MGAT4D: variants seen among roughly 807,000 people sequenced by gnomAD.
MGAT4D encodes MGAT4 family member D.
MGAT4D carries 34 observed loss-of-function variants against 15.9 expected under a neutral mutation model. The observed-to-expected ratio is 2.14, with a 90% CI of 1.62 to 2.84. MGAT4D has a LOEUF of 2.84. Among genes scored for constraint, MGAT4D ranks in the 30% most tolerant of loss-of-function variants. The pLI is 0.00. For synonymous variants in MGAT4D, 112 were observed against 48.2 expected (o/e 2.33, Z -5.49); for missense variants, 327 against 140.2 (o/e 2.33, Z -6.73).
intron 6 of MGAT4D, 61 bp from the exon 7 acceptor site, chr4:140,462,065 A>T (rs1480698662): frequency 9.1e-6 from 6 of 661,362 alleles, no homozygotes; most frequent in South Asian, 1.7e-5. Context: ...TTATAAGCAT[A>T]CTTTAGTAAT....
At position 140,442,832 on chromosome 4, in the gene MGAT4D, A is replaced by T. The variant is rs1729857685; in HGVS notation, c.*604T>A. The T allele has an allele frequency of 1.1e-5, 1 of 93,634 alleles. No individual in the cohort carries two copies. The highest frequency in any genetic ancestry group is 2.8e-4 in the South Asian group (1 of 3,624). 5.8% of individuals were successfully genotyped at this position (93,634 alleles called of 1,614,324 possible). ...AATATATTTGGGAAAAAAACTCCCAAATAATCTGTGTGTTAAGAAGGCAAT... is the reference window on the plus strand; with the variant it reads ...AATATATTTGGGAAAAAAACTCCCATATAATCTGTGTGTTAAGAAGGCAAT... On this transcript the variant is annotated 3_prime_UTR_variant, in exon 11 of 11. Coordinates refer to ENST00000511113, the MANE Select transcript of MGAT4D (RefSeq NM_001277353.2).
intron 1 of MGAT4D, among the ~76,000 whole-genome samples, chr4:140,485,546 G>T (rs1004095387): frequency 4.6e-5 from 7 of 151,148 alleles, no homozygotes; most frequent in Non-Finnish European, 1.0e-4. Context: ...AAACTTAAAA[G>T]TATAATAATA....
intron 1 of MGAT4D, among the ~76,000 whole-genome samples, chr4:140,483,522 A>G (rs1318626785): frequency 6.6e-6 from 1 of 152,164 alleles, no homozygotes; most frequent in Non-Finnish European, 1.5e-5. Flanking sequence ...AACCCCTGCA[A>G]TTCATATGAA....
chr4:140,461,877 GTATA>G (rs1657945969), intron 7 of MGAT4D, 48 bp downstream of exon 7: 1 of 434,488 alleles, frequency 2.3e-6, no homozygotes, highest in African/African-American at 2.6e-5. Flanking sequence ...TATAATTGGT[GTATA>G]CACACACACA....
At chr4:140,468,830 T>C (rs1560780863) in intron 5 of MGAT4D, among the ~76,000 whole-genome samples, 1 of 152,152 alleles carries the variant, frequency 6.6e-6, no homozygotes, top group Non-Finnish European at 1.5e-5. Context: ...ACACAGGGGC[T>C]TACCTCCTTC....
rs996707865 is a variant in MGAT4D at position 140,460,572 on chromosome 4, A to G, written c.763-946T>C. 5.9e-5 allele frequency among the ~76,000 whole-genome samples: 9 copies of G among 152,220 alleles called. No homozygotes were observed. In the East Asian group the frequency reaches 1.7e-3, roughly 29 times the overall value. ...GGAGGGAGGCCAGGAGCCGTGGCTC[A>G]CGCCTATAGTCCAAGCACTTTGGGA... On this transcript the variant is annotated intron_variant, in intron 7 of 10. Coordinates refer to ENST00000511113, the MANE Select transcript of MGAT4D (RefSeq NM_001277353.2).
At chr4:140,472,797 T>C (rs774677739) in intron 4 of MGAT4D, among the ~76,000 whole-genome samples, 1 of 152,208 alleles carries the variant, frequency 6.6e-6, no homozygotes, top group Non-Finnish European at 1.5e-5. Context: ...GATTCTAATA[T>C]ATAAAATAAG....
In MGAT4D at chr4:140,446,742, A is replaced by G. The variant is rs190089723; in HGVS notation, c.1117-3298T>C. On this transcript the variant is annotated intron_variant, in intron 10 of 10. Transcript: ENST00000511113. ...GGAGCTGGTTTGCTTTTGCTTCTCT[A>G]GTTTTTTTTTTTTTTTTTTTTTTTT... Among the ~76,000 whole-genome samples the G allele has an allele frequency of 3.8e-3, 27 of 7,034 alleles. 1 individual carries two copies. In the Admixed American group the frequency reaches 0.04, roughly 10 times the overall value. 4.6% of individuals were successfully genotyped at this position (7,034 alleles called of 152,430 possible). A position where few individuals can be genotyped will look rare whatever the true frequency, so the allele number is the denominator to read the frequency against.
At chr4:140,472,592 G>A (rs1442607631) in intron 4 of MGAT4D, among the ~76,000 whole-genome samples, 2 of 152,126 alleles carry the variant, frequency 1.3e-5, no homozygotes, top group African/African-American at 4.8e-5. Context: ...ATCTCTTATA[G>A]TACTGGAGGC....
chr4:140,480,926 C>T (rs1331495888), intron 2 of MGAT4D, among the ~76,000 whole-genome samples: 1 of 150,930 alleles, frequency 6.6e-6, no homozygotes, highest in Non-Finnish European at 1.5e-5. Flanking sequence ...AGACATTTCA[C>T]CAAAGAAGAT....
chr4:140,492,417 T>C (rs1321567753), intron 1 of MGAT4D, among the ~76,000 whole-genome samples: 5 of 152,120 alleles, frequency 3.3e-5, no homozygotes, highest in African/African-American at 1.2e-4. Context: ...TTGTTCGAGA[T>C]CAGGAGATTG....
At chr4:140,483,200 T>C (rs1040658719) in intron 1 of MGAT4D, among the ~76,000 whole-genome samples, 2 of 152,140 alleles carry the variant, frequency 1.3e-5, no homozygotes, top group African/African-American at 4.8e-5. Flanking sequence ...AGTTTCAGGA[T>C]ACAAAATCAA....
chr4:140,488,853 C>CT (rs1227491542), intron 1 of MGAT4D, among the ~76,000 whole-genome samples: 17 of 152,096 alleles, frequency 1.1e-4, no homozygotes, highest in Non-Finnish European at 2.5e-4. Context: ...TGGCACCTCC[C>CT]TGCCACTCTC....
chr4:140,467,883 T>A (rs1578672231), intron 5 of MGAT4D, among the ~76,000 whole-genome samples: 1 of 152,056 alleles, frequency 6.6e-6, no homozygotes, highest in South Asian at 2.1e-4. Flanking sequence ...TTAAAAATTA[T>A]ATAGTTTCAA....
chr4:140,459,576 A>G lies in MGAT4D; in HGVS notation c.813T>C (p.Asp271=). 1 of 538,266 alleles carries G rather than the reference A, an allele frequency of 1.9e-6. No homozygotes were observed. Among genetic ancestry groups the G allele is most frequent in the Non-Finnish European group, 3.3e-6 (1 of 304,388 alleles). The allele number at this position is 538,266 out of a possible 1,614,324, so 33.3% of individuals were successfully genotyped here. The change falls in exon 8 of 11, where the codon GAT becomes GAC. Residue 271 remains aspartate, a synonymous_variant. Coordinates refer to ENST00000511113, the MANE Select transcript of MGAT4D (RefSeq NM_001277353.2). ...AKEMYFTKIT[D]FVGNISSNNW... ...TATTTGAACTGATATTACCTACAAA[A>G]TCTGTTATTTTTGTAAAGTACATCT...
intron 5 of MGAT4D, among the ~76,000 whole-genome samples, chr4:140,469,709 C>T (rs1412276928): frequency 6.6e-6 from 1 of 152,152 alleles, no homozygotes; most frequent in African/African-American, 2.4e-5. Flanking sequence ...ATCCTGTAAA[C>T]TGAAATTCAG....
intron 3 of MGAT4D, among the ~76,000 whole-genome samples, chr4:140,479,223 G>A (rs541042485): frequency 6.6e-6 from 1 of 152,132 alleles, no homozygotes; most frequent in Admixed American, 6.5e-5. Flanking sequence ...CAAACATTTG[G>A]CATATACTTA....
intron 4 of MGAT4D, among the ~76,000 whole-genome samples, chr4:140,473,600 G>A (rs908147359): frequency 2.0e-5 from 3 of 152,260 alleles, no homozygotes; most frequent in Admixed American, 6.5e-5. Context: ...TGGTTGGGAA[G>A]TAGAGAAGCT....
intron 1 of MGAT4D, among the ~76,000 whole-genome samples, chr4:140,490,602 C>A (rs935820278): frequency 6.6e-6 from 1 of 152,138 alleles, no homozygotes; most frequent in Admixed American, 6.5e-5. Flanking sequence ...GGCCCAGACC[C>A]AATAAGAGAC....
Sources: allele counts gnomAD v4.1 joint callset (sites outside exome capture counted in the v4.1 genomes callset), GRCh38; gene constraint gnomAD v4.1.1; transcripts MANE v1.5; gene names NCBI Gene and HGNC (gene_info 2026-07-23, HGNC 2026-07-21).